Variants in RYR2 observed in about 807,000 individuals in gnomAD.
RYR2 encodes ryanodine receptor 2, also known as cardiac muscle ryanodine receptor-calcium release channel.
A neutral mutation model predicts 601.1 loss-of-function variants in RYR2; 227 were observed. That is an observed-to-expected ratio of 0.38 (90% confidence interval 0.34 to 0.42). The LOEUF (loss-of-function observed/expected upper bound fraction) is 0.42, where lower values mean the gene tolerates loss of function less well. Ranked by LOEUF, RYR2 falls within the 10% of genes least tolerant of loss-of-function variation. RYR2 has a pLI of 1.00. For synonymous variants in RYR2, 2,223 were observed against 2,175.1 expected, an observed-to-expected ratio of 1.02 and a Z score of -0.61; for missense variants, 4,646 against 6,156.5, an observed-to-expected ratio of 0.75 and a Z score of 8.21.
intron 47 of RYR2, among the ~76,000 whole-genome samples, chr1:237,641,652 C>T (rs563862576): frequency 6.6e-6 from 1 of 152,130 alleles, no homozygotes; most frequent in East Asian, 1.9e-4. Flanking sequence ...AGTGATTCTC[C>T]TGCCTCAGCC....
At chr1:237,307,426 T>C (rs1693984291) in intron 2 of RYR2, among the ~76,000 whole-genome samples, 1 of 152,232 alleles carries the variant, frequency 6.6e-6, no homozygotes, top group African/African-American at 2.4e-5. Context: ...GGAATGCTAG[T>C]CTAGATTTTT....
intron 1 of RYR2, among the ~76,000 whole-genome samples, chr1:237,092,157 A>G (rs1445370436): frequency 1.3e-5 from 2 of 152,182 alleles, no homozygotes; most frequent in Non-Finnish European, 2.9e-5. Flanking sequence ...GATCTACCAT[A>G]AGGATGCGTT....
chr1:237,614,464 G>A lies in RYR2; in HGVS notation c.5336G>A (p.Ser1779Asn), dbSNP rs778312204. 13 of 1,614,038 alleles carry A rather than the reference G, an allele frequency of 8.1e-6. No homozygotes were observed. The Middle Eastern group carries it at 9.9e-4, about 123-fold the overall frequency. ...VSISNECYQY[S>N]PEFPLDILKS... ...ATTAGTAATGAATGTTACCAGTACA[G>A]TCCAGAGTTCCCACTGGACATCCTC... is the stretch of plus-strand genomic sequence containing the variant. The change falls in exon 37 of 105, where the codon AGT becomes AAT. Residue 1779 changes from serine to asparagine, a missense_variant. Transcript: ENST00000366574. This position sits in a 1 kb window ranked among gnomAD's most constrained non-coding sequence, Gnocchi z 4.3.
rs140514405 is a variant in RYR2 at position 237,559,646 on chromosome 1, G to A, written c.3215-6921G>A. On this transcript the variant is annotated intron_variant, in intron 27 of 104. Transcript: ENST00000366574. ...CTTTGTCTAATAAGCCCAACATCTCGGCCTCCTGAGGAATAATTTCTATTG... is the reference window on the plus strand; with the variant it reads ...CTTTGTCTAATAAGCCCAACATCTCAGCCTCCTGAGGAATAATTTCTATTG... Among the ~76,000 whole-genome samples, 342 of 152,166 alleles carry A rather than the reference G, an allele frequency of 2.2e-3. 1 individual carries two copies. The highest frequency in any genetic ancestry group is 3.7e-3 in the Non-Finnish European group (250 of 67,998).
chr1:237,305,112 C>T (rs572880379), intron 2 of RYR2, among the ~76,000 whole-genome samples: 8 of 152,202 alleles, frequency 5.3e-5, no homozygotes, highest in Admixed American at 1.3e-4. Context: ...TGAAGATACG[C>T]GTATATTGTA....
intron 58 of RYR2, among the ~76,000 whole-genome samples, chr1:237,669,459 A>G (rs1193936973): frequency 1.3e-5 from 2 of 151,340 alleles, no homozygotes; most frequent in Non-Finnish European, 3.0e-5. Flanking sequence ...GCGGCCGGGC[A>G]GAGGCGCCCC....
chr1:237,418,231 A>G (rs563238653), intron 11 of RYR2, among the ~76,000 whole-genome samples: 1 of 152,150 alleles, frequency 6.6e-6, no homozygotes, highest in Admixed American at 6.5e-5. Context: ...TTTAGTAGAG[A>G]CAGGGTTTAA....
At chr1:237,288,219 G>A (rs565287670) in intron 2 of RYR2, among the ~76,000 whole-genome samples, 20 of 152,178 alleles carry the variant, frequency 1.3e-4, no homozygotes, top group African/African-American at 4.1e-4. Context: ...CAGGTGGTGC[G>A]AGTGTGCAAT....
intron 12 of RYR2, among the ~76,000 whole-genome samples, chr1:237,424,173 C>T (rs1705884082): frequency 6.6e-6 from 1 of 152,102 alleles, no homozygotes; most frequent in South Asian, 2.1e-4. Context: ...AGAGCCAAAC[C>T]ATATCAATTG....
chr1:237,706,082 G>A (rs1162805978), intron 67 of RYR2, among the ~76,000 whole-genome samples: 1 of 151,980 alleles, frequency 6.6e-6, no homozygotes, highest in African/African-American at 2.4e-5. Context: ...AACCCCGTCT[G>A]TGCTAAAAAT....
intron 30 of RYR2, 69 bp from the exon 31 acceptor site, chr1:237,590,571 A>T (rs1284671226): frequency 1.6e-6 from 2 of 1,285,932 alleles, no homozygotes; most frequent in African/African-American, 1.5e-5. Flanking sequence ...GATGTGCCTT[A>T]GTCATCTTTA....
rs143386256 is a variant in RYR2 at position 237,065,688 on chromosome 1, A to G, written c.48+23119A>G. Among the ~76,000 whole-genome samples the G allele has an allele frequency of 2.8e-3, 425 of 152,280 alleles. 2 individuals carry two copies. The highest frequency in any genetic ancestry group is 9.6e-3 in the African/African-American group (400 of 41,556). On this transcript the variant is annotated intron_variant, in intron 1 of 104. Coordinates refer to ENST00000366574, the MANE Select transcript of RYR2 (RefSeq NM_001035.3). ...TCTCTGTAATTTTGTCATTTTGACA[A>G]TGTAATTGTATTAGTCCGTTCTTGC...
chr1:237,281,430 A>C (rs1690857983), intron 2 of RYR2, among the ~76,000 whole-genome samples: 1 of 152,212 alleles, frequency 6.6e-6, no homozygotes, highest in Non-Finnish European at 1.5e-5. Context: ...TTAGGAAAAC[A>C]CTGATGTCTA....
At chr1:237,453,285 A>T (rs1041864948) in intron 14 of RYR2, among the ~76,000 whole-genome samples, 4 of 152,088 alleles carry the variant, frequency 2.6e-5, no homozygotes, top group African/African-American at 9.7e-5. Flanking sequence ...TCAGGCAAAA[A>T]CTTTAAAATA....
chr1:237,208,570 T>C (rs1234106580), intron 1 of RYR2, among the ~76,000 whole-genome samples: 1 of 152,134 alleles, frequency 6.6e-6, no homozygotes, highest in African/African-American at 2.4e-5. Flanking sequence ...TTCTGCTTTA[T>C]GGTGGCATAA....
chr1:237,329,128 A>G (rs1696456706), intron 2 of RYR2, among the ~76,000 whole-genome samples: 1 of 152,236 alleles, frequency 6.6e-6, no homozygotes, highest in Non-Finnish European at 1.5e-5. Context: ...AAAGAAAAGA[A>G]AGAAATGCAT....
chr1:237,565,123 C>CTTTCTTTCTT (rs371801955), intron 27 of RYR2, among the ~76,000 whole-genome samples: 2 of 7,450 alleles, frequency 2.7e-4, no homozygotes, highest in African/African-American at 3.2e-4. Flanking sequence ...CTTTTTCTTT[C>CTTTCTTTCTT]TTTCTTTCTT....
At chr1:237,110,842 A>G (rs1353496636) in intron 1 of RYR2, among the ~76,000 whole-genome samples, 1 of 152,214 alleles carries the variant, frequency 6.6e-6, no homozygotes, top group Non-Finnish European at 1.5e-5. Context: ...TAACATTTGC[A>G]TATTTCTGGG....
intron 82 of RYR2, among the ~76,000 whole-genome samples, 179 bp downstream of exon 82, chr1:237,757,955 C>A (rs989532745): frequency 1.3e-5 from 2 of 152,092 alleles, no homozygotes; most frequent in African/African-American, 4.8e-5. Context: ...TGTTACAAAT[C>A]CAAACATAAA....
Sources: gnomAD v4.1 joint callset for allele counts (sites outside exome capture counted in the v4.1 genomes callset) on GRCh38, gnomAD v4.1.1 for gene constraint, Gnocchi (gnomAD v3.1) non-coding constraint, MANE v1.5 for transcripts, NCBI Gene and HGNC (gene_info 2026-07-23, HGNC 2026-07-21) for gene names.